The following ARHGAP6 variants were observed in gnomAD, a reference collection of about 807,000 sequenced individuals.
ARHGAP6 encodes the protein Rho GTPase activating protein 6.
A neutral mutation model predicts 55.7 loss-of-function variants in ARHGAP6; 16 were observed. That is an observed-to-expected ratio of 0.29 (90% CI 0.19 to 0.44). ARHGAP6 has a LOEUF of 0.44. ARHGAP6 is among the 20% of genes least tolerant of loss of function. The pLI is 1.00. For missense variants in ARHGAP6, 698 were observed against 808.9 expected, an observed-to-expected ratio of 0.86 and a Z score of 1.66; for synonymous variants, 382 against 360.9, an observed-to-expected ratio of 1.06 and a Z score of -0.66.
At chrX:11,505,981 C>T (rs976805117) in intron 1 of ARHGAP6, among the ~76,000 whole-genome samples, 17 of 110,851 alleles carry the variant, frequency 1.5e-4, no homozygotes, top group Non-Finnish European at 2.3e-4. Flanking sequence ...TACAACAAAC[C>T]GCTATAACAA....
At chrX:11,516,748 G>A (rs192013568) in intron 1 of ARHGAP6, among the ~76,000 whole-genome samples, 1 of 111,563 alleles carries the variant, frequency 9.0e-6, no homozygotes, top group Admixed American at 9.6e-5. Flanking sequence ...AACATATTTT[G>A]CTCAAGGTCA....
chrX:11,353,033 T>C (rs376369598), intron 1 of ARHGAP6, among the ~76,000 whole-genome samples: 5 of 112,096 alleles, frequency 4.5e-5, no homozygotes, highest in African/African-American at 1.6e-4. Context: ...ACCGTATCCA[T>C]CTGTGGGTAG....
At chrX:11,651,240 A>G (rs780497518) in intron 1 of ARHGAP6, among the ~76,000 whole-genome samples, 1 of 111,669 alleles carries the variant, frequency 9.0e-6, no homozygotes, top group South Asian at 3.8e-4. Flanking sequence ...TCACCCAGGT[A>G]TTAAGCCTAG....
At chrX:11,182,989 A>G (rs748730871) in intron 5 of ARHGAP6, among the ~76,000 whole-genome samples, 2 of 111,592 alleles carry the variant, frequency 1.8e-5, no homozygotes, top group East Asian at 5.6e-4. Context: ...ATCACACTGC[A>G]TATATATAAT....
chrX:11,656,392 T>C (rs1251861845), intron 1 of ARHGAP6, among the ~76,000 whole-genome samples: 1 of 112,358 alleles, frequency 8.9e-6, no homozygotes, highest in Non-Finnish European at 1.9e-5. Flanking sequence ...TGCTCGAAAT[T>C]ACCACAAATT....
At chrX:11,412,843 T>C (rs979206868) in intron 1 of ARHGAP6, among the ~76,000 whole-genome samples, 2 of 112,604 alleles carry the variant, frequency 1.8e-5, no homozygotes, top group Non-Finnish European at 3.7e-5. Flanking sequence ...GTGACAAATA[T>C]ATGACATTGA....
At chrX:11,511,629 A>G (rs142781865) in intron 1 of ARHGAP6, among the ~76,000 whole-genome samples, 15 of 111,759 alleles carry the variant, frequency 1.3e-4, no homozygotes, top group Non-Finnish European at 2.4e-4. Context: ...TCCTGCAACT[A>G]AGTCATAGGA....
intron 8 of ARHGAP6, among the ~76,000 whole-genome samples, chrX:11,174,306 C>T (rs1283414065): frequency 9.0e-6 from 1 of 111,720 alleles, no homozygotes; most frequent in Non-Finnish European, 1.9e-5. Context: ...CTGGCCCATG[C>T]TCATCACTTC....
chrX:11,487,558 A>G (rs568260542), intron 1 of ARHGAP6, among the ~76,000 whole-genome samples: 2 of 112,554 alleles, frequency 1.8e-5, no homozygotes, highest in South Asian at 7.4e-4. Flanking sequence ...TAATTTAAGT[A>G]TGTCCATGCA....
chrX:11,249,015 C>A (rs1282559709), intron 2 of ARHGAP6, among the ~76,000 whole-genome samples: 2 of 112,022 alleles, frequency 1.8e-5, no homozygotes, highest in African/African-American at 6.5e-5. Context: ...GTGGAACCAA[C>A]CCAAATGCCC....
At chrX:11,491,679 T>A (rs2050570419) in intron 1 of ARHGAP6, among the ~76,000 whole-genome samples, 1 of 111,643 alleles carries the variant, frequency 9.0e-6, no homozygotes, top group Admixed American at 9.5e-5. Flanking sequence ...AACATATGTG[T>A]GCATGTGTCT....
chrX:11,592,988 G>T (rs930586268), intron 1 of ARHGAP6, among the ~76,000 whole-genome samples: 7 of 111,617 alleles, frequency 6.3e-5, no homozygotes, highest in African/African-American at 2.3e-4. Flanking sequence ...CAAAATTTGG[G>T]CATGCAAAAT....
chrX:11,652,973 T>C (rs1394665594), intron 1 of ARHGAP6, among the ~76,000 whole-genome samples: 1 of 112,141 alleles, frequency 8.9e-6, no homozygotes, highest in Admixed American at 9.5e-5. Context: ...AATCTGATTG[T>C]AGATAGGATT....
chrX:11,503,246 G>T (rs1279540559), intron 1 of ARHGAP6, among the ~76,000 whole-genome samples: 1 of 111,204 alleles, frequency 9.0e-6, no homozygotes, highest in Non-Finnish European at 1.9e-5. Context: ...ACCCCTCATT[G>T]TTCAAGGATC....
chrX:11,278,816 C>T (rs765480), intron 1 of ARHGAP6, among the ~76,000 whole-genome samples: 19,459 of 110,323 alleles, frequency 0.18, 1,328 homozygotes, highest in Middle Eastern at 0.29. Flanking sequence ...CTCCTAAATA[C>T]ACTTGCTATA....
intron 1 of ARHGAP6, among the ~76,000 whole-genome samples, chrX:11,260,829 CCT>C (rs1235921873): frequency 9.0e-6 from 1 of 111,670 alleles, no homozygotes; most frequent in Admixed American, 9.5e-5. Flanking sequence ...TTTGCCAACC[CCT>C]GATATGGAGA....
At chrX:11,660,563 A>C (rs966611107) in intron 1 of ARHGAP6, among the ~76,000 whole-genome samples, 2 of 94,037 alleles carry the variant, frequency 2.1e-5, no homozygotes, top group African/African-American at 7.4e-5. Context: ...AAAAAAAAAA[A>C]AAAAAAAAAA....
At chrX:11,600,995 C>T (rs1360539559) in intron 1 of ARHGAP6, among the ~76,000 whole-genome samples, 3 of 112,064 alleles carry the variant, frequency 2.7e-5, no homozygotes, top group Non-Finnish European at 5.6e-5. Flanking sequence ...TTGGCACTTC[C>T]ATCCTGTACT....
At chrX:11,536,283 C>T (rs2051103241) in intron 1 of ARHGAP6, among the ~76,000 whole-genome samples, 2 of 112,121 alleles carry the variant, frequency 1.8e-5, no homozygotes, top group South Asian at 7.4e-4. Flanking sequence ...GTGCCAGGGA[C>T]CTAATGCCCC....
Sources: gnomAD v4.1 joint callset for allele counts (sites outside exome capture counted in the v4.1 genomes callset) on GRCh38, gnomAD v4.1.1 for gene constraint, MANE v1.5 for transcripts, NCBI Gene and HGNC (gene_info 2026-07-23, HGNC 2026-07-21) for gene names.